Variants in DUSP13B observed in about 807,000 individuals in gnomAD.
DUSP13B encodes the protein dual specificity protein phosphatase 13B.
At chr10:75,097,060 T>G in the DUSP13B span, among the ~76,000 whole-genome samples, 1 of 152,212 alleles carries the variant, frequency 6.6e-6, no homozygotes, top group African/African-American at 2.4e-5. Context: ...AGAAAATAAT[T>G]AATTCAACAG....
At chr10:75,095,944 C>G in the DUSP13B span, 4 of 716,868 alleles carry the variant, frequency 5.6e-6, no homozygotes, top group Non-Finnish European at 9.3e-6. Context: ...GAAGGGGCTC[C>G]TCCTGTTGGA....
At chr10:75,095,719 G>A in the DUSP13B span, 5 of 1,614,086 alleles carry the variant, frequency 3.1e-6, no homozygotes, top group Non-Finnish European at 4.2e-6. Context: ...GTGTCCACCT[G>A]GAACTTGCCT....
chr10:75,103,480 C>A, the DUSP13B span, among the ~76,000 whole-genome samples: 9 of 152,342 alleles, frequency 5.9e-5, no homozygotes, highest in African/African-American at 2.2e-4. Flanking sequence ...CCCCACTGTC[C>A]CCTGAGGCCA....
the DUSP13B span, among the ~76,000 whole-genome samples, chr10:75,102,310 G>A: frequency 6.6e-6 from 1 of 152,168 alleles, no homozygotes; most frequent in Non-Finnish European, 1.5e-5. Context: ...GGGCGTGGTG[G>A]TGGATGCCTG....
At chr10:75,105,596 C>T in the DUSP13B span, 8 of 1,418,008 alleles carry the variant, frequency 5.6e-6, no homozygotes, top group South Asian at 7.6e-5. Flanking sequence ...CCTATGTCTG[C>T]AGCCTAGGCC....
the DUSP13B span, among the ~76,000 whole-genome samples, chr10:75,104,517 C>T: frequency 3.3e-5 from 5 of 152,146 alleles, no homozygotes; most frequent in Non-Finnish European, 7.4e-5. Flanking sequence ...AGCCTAAGGC[C>T]CCAGGCTGAG....
At chr10:75,100,458 C>CA in the DUSP13B span, among the ~76,000 whole-genome samples, 1 of 152,170 alleles carries the variant, frequency 6.6e-6, no homozygotes, top group Non-Finnish European at 1.5e-5. Flanking sequence ...CAGTCCCTCC[C>CA]AAGGAGGGGA....
chr10:75,102,399 C>T, the DUSP13B span, among the ~76,000 whole-genome samples: 5 of 151,826 alleles, frequency 3.3e-5, no homozygotes, highest in African/African-American at 1.2e-4. Context: ...GCCGAGATCG[C>T]GCCACTGCAC....
At chr10:75,099,199 GC>G in the DUSP13B span, 4 of 1,219,892 alleles carry the variant, frequency 3.3e-6, no homozygotes, top group Non-Finnish European at 3.0e-6. Flanking sequence ...TTTGCTAACT[GC>G]CCCTGATCCC....
the DUSP13B span, chr10:75,101,797 C>G: frequency 1.0e-5 from 7 of 687,332 alleles, no homozygotes; most frequent in Non-Finnish European, 1.7e-5. Context: ...GCACAAGTGT[C>G]CTGGCCCTCA....
the DUSP13B span, among the ~76,000 whole-genome samples, chr10:75,108,771 T>C: frequency 6.6e-6 from 1 of 152,152 alleles, no homozygotes; most frequent in Non-Finnish European, 1.5e-5. Flanking sequence ...AAATGTTTCC[T>C]GGAACTCCTG....
chr10:75,108,922 G>A, the DUSP13B span: 1 of 1,495,400 alleles, frequency 6.7e-7, no homozygotes, highest in Non-Finnish European at 9.0e-7. Context: ...ATTTCTCCTT[G>A]TTTCCACCCT....
chr10:75,099,994 C>G, the DUSP13B span, among the ~76,000 whole-genome samples: 6 of 152,190 alleles, frequency 3.9e-5, no homozygotes, highest in East Asian at 1.2e-3. Context: ...CAGAGGAGTC[C>G]AACAGCCACA....
chr10:75,109,072 C>T, the DUSP13B span: 11 of 1,612,348 alleles, frequency 6.8e-6, no homozygotes, highest in South Asian at 5.5e-5. Flanking sequence ...CTTCCCTGCC[C>T]GCAGGAGCTC....
the DUSP13B span, chr10:75,107,869 A>T: frequency 5.8e-6 from 7 of 1,209,694 alleles, no homozygotes; most frequent in Non-Finnish European, 8.0e-6. Flanking sequence ...GAGCCACCAC[A>T]CACGGCCTAA....
At chr10:75,108,082 C>A in the DUSP13B span, 2 of 1,613,914 alleles carry the variant, frequency 1.2e-6, no homozygotes, top group South Asian at 2.2e-5. Flanking sequence ...TGGGCTGGCA[C>A]CCCCAGGTAG....
chr10:75,104,151 G>C, the DUSP13B span: 2,618 of 1,248,568 alleles, frequency 2.1e-3, 41 homozygotes, highest in African/African-American at 0.037. Flanking sequence ...GCCCAGGCTG[G>C]CTGGGACTTG....
At chr10:75,108,163 G>A in the DUSP13B span, 1 of 1,612,520 alleles carries the variant, frequency 6.2e-7, no homozygotes. Flanking sequence ...TTCAGCACGT[G>A]GGTGATGCCC....
chr10:75,096,785 G>A, the DUSP13B span, among the ~76,000 whole-genome samples: 1 of 151,944 alleles, frequency 6.6e-6, no homozygotes, highest in Non-Finnish European at 1.5e-5. Flanking sequence ...AATATTACTA[G>A]GATCACTGTT....
Sources: allele counts gnomAD v4.1 joint callset (sites outside exome capture counted in the v4.1 genomes callset), GRCh38; gene constraint gnomAD v4.1.1; transcripts MANE v1.5; gene names NCBI Gene and HGNC (gene_info 2026-07-23, HGNC 2026-07-21).